ZNF804B: variants seen among roughly 807,000 people sequenced by gnomAD.
ZNF804B encodes the protein zinc finger protein 804B.
A neutral mutation model predicts 101.4 loss-of-function variants in ZNF804B; 80 were observed. The ratio of observed to expected loss-of-function variants is 0.79; its 90% CI spans 0.66 to 0.95. ZNF804B has a LOEUF of 0.95. ZNF804B is among the 40% of genes least tolerant of loss of function. The probability of loss-of-function intolerance (pLI) is 0.00; values close to 1 mark genes in which losing one functional copy is unlikely to be tolerated. For synonymous variants in ZNF804B, 622 were observed against 558.8 expected (o/e 1.11, Z -1.59); for missense variants, 1,673 against 1,561.9 (o/e 1.07, Z -1.20).
intron 1 of ZNF804B, among the ~76,000 whole-genome samples, chr7:88,771,099 C>T (rs1790054509): frequency 6.6e-6 from 1 of 151,952 alleles, no homozygotes; most frequent in South Asian, 2.1e-4. Flanking sequence ...CAGATGTTTC[C>T]CTGTCATACC....
intron 1 of ZNF804B, among the ~76,000 whole-genome samples, chr7:88,873,776 T>G (rs982418777): frequency 1.1e-4 from 16 of 152,206 alleles, no homozygotes; most frequent in African/African-American, 3.9e-4. Context: ...GATCAGATAG[T>G]CATAGATATG....
chr7:89,337,394 C>T lies in ZNF804B; in HGVS notation c.*362C>T, dbSNP rs1791116083. ...CAAATGAAATATGGCACCCTGCGTT[C>T]TAAGTATTTGTTGTGTGAATGAATG... On this transcript the variant is annotated 3_prime_UTR_variant, in exon 4 of 4. Coordinates refer to ENST00000333190, the MANE Select transcript of ZNF804B (RefSeq NM_181646.5). Among the ~76,000 whole-genome samples the T allele has an allele frequency of 6.6e-6, 1 of 152,020 alleles. No homozygotes were observed. Among genetic ancestry groups the T allele is most frequent in the African/African-American group, 2.4e-5 (1 of 41,434 alleles).
chr7:89,189,384 A>C (rs1032225681), intron 1 of ZNF804B, among the ~76,000 whole-genome samples: 3 of 152,164 alleles, frequency 2.0e-5, no homozygotes, highest in Admixed American at 1.3e-4. Context: ...AAGGCACAAA[A>C]TATAATTTTA....
intron 1 of ZNF804B, among the ~76,000 whole-genome samples, chr7:88,832,268 G>A (rs1791144969): frequency 2.0e-5 from 3 of 151,734 alleles, no homozygotes; most frequent in Admixed American, 6.6e-5. Context: ...ATTTCAGTCA[G>A]CACATTACTA....
chr7:89,009,684 C>G (rs1425604291), intron 1 of ZNF804B, among the ~76,000 whole-genome samples: 9 of 152,192 alleles, frequency 5.9e-5, no homozygotes, highest in African/African-American at 2.2e-4. Context: ...ATCTCTTCCA[C>G]CATGTGAGGA....
intron 1 of ZNF804B, among the ~76,000 whole-genome samples, chr7:88,808,549 A>G (rs1336242253): frequency 6.6e-6 from 1 of 152,140 alleles, no homozygotes; most frequent in Non-Finnish European, 1.5e-5. Flanking sequence ...TGAACAGTGT[A>G]CTGGGATTTA....
intron 2 of ZNF804B, among the ~76,000 whole-genome samples, chr7:89,297,469 A>G (rs1232164346): frequency 2.0e-5 from 3 of 152,090 alleles, no homozygotes; most frequent in Non-Finnish European, 4.4e-5. Flanking sequence ...CTGGAGACAA[A>G]TGTACATAGT....
chr7:88,908,319 G>T (rs141832024), intron 1 of ZNF804B, among the ~76,000 whole-genome samples: 1 of 150,982 alleles, frequency 6.6e-6, no homozygotes, highest in Non-Finnish European at 1.5e-5. Context: ...TTTTCTACTT[G>T]TTTGATCCTG....
chr7:89,175,171 G>C (rs1311883912), intron 1 of ZNF804B, among the ~76,000 whole-genome samples: 1 of 151,642 alleles, frequency 6.6e-6, no homozygotes, highest in Non-Finnish European at 1.5e-5. Context: ...GACCTGGAGA[G>C]TTTCCCCAAA....
chr7:88,764,954 A>G (rs780478298), intron 1 of ZNF804B, among the ~76,000 whole-genome samples: 1 of 152,132 alleles, frequency 6.6e-6, no homozygotes, highest in Non-Finnish European at 1.5e-5. Context: ...TTTTATGTCA[A>G]GTATCATATA....
At chr7:89,104,994 G>A (rs773233983) in intron 1 of ZNF804B, among the ~76,000 whole-genome samples, 17 of 152,140 alleles carry the variant, frequency 1.1e-4, no homozygotes, top group Non-Finnish European at 2.2e-4. Flanking sequence ...ACCCATTTTA[G>A]TAAAGGTTTC....
intron 1 of ZNF804B, among the ~76,000 whole-genome samples, chr7:89,178,662 C>A (rs1788243377): frequency 6.6e-6 from 1 of 152,098 alleles, no homozygotes; most frequent in Non-Finnish European, 1.5e-5. Flanking sequence ...TTGATCATTT[C>A]ATCTTTAAGT....
chr7:89,261,218 G>A lies in ZNF804B; in HGVS notation c.249+42923G>A, dbSNP rs574737680. On this transcript the variant is annotated intron_variant, in intron 2 of 3. Transcript: ENST00000333190. ...TTGCATTTCTCTGAACTGTAATAGA[G>A]CCATGAATAATCCATTTGTATGTAT... Among the ~76,000 whole-genome samples, 16 of 152,154 alleles carry A rather than the reference G, an allele frequency of 1.1e-4. 1 individual carries two copies. Among genetic ancestry groups the A allele is most frequent in the South Asian group, 2.1e-4 (1 of 4,808 alleles).
intron 1 of ZNF804B, among the ~76,000 whole-genome samples, chr7:89,017,353 G>A (rs1788584951): frequency 1.3e-5 from 2 of 152,056 alleles, no homozygotes; most frequent in African/African-American, 2.4e-5. Context: ...TACTGCCCTG[G>A]CCAGAACTTC....
intron 1 of ZNF804B, among the ~76,000 whole-genome samples, chr7:88,840,445 A>C (rs1265922929): frequency 6.6e-6 from 1 of 152,158 alleles, no homozygotes; most frequent in Admixed American, 6.6e-5. Context: ...TTGTCTGTAA[A>C]ATAAGAATGC....
chr7:88,778,720 A>C (rs756122594), intron 1 of ZNF804B, among the ~76,000 whole-genome samples: 1 of 152,046 alleles, frequency 6.6e-6, no homozygotes, highest in Non-Finnish European at 1.5e-5. Flanking sequence ...CCTACCCTGC[A>C]CTTCTCTTAC....
In ZNF804B at chr7:88,793,712, G is replaced by A. The variant is rs150752060; in HGVS notation, c.108+33628G>A. Among the ~76,000 whole-genome samples, 194 of 151,784 alleles carry A rather than the reference G, an allele frequency of 1.3e-3. 2 individuals carry two copies. The highest frequency in any genetic ancestry group is 4.5e-3 in the African/African-American group (187 of 41,378). ...ATTATATTACATTATATGTCATATC[G>A]TAACTACTTCTACATGTACTTGCCT... On this transcript the variant is annotated intron_variant, in intron 1 of 3. Coordinates refer to ENST00000333190, the MANE Select transcript of ZNF804B (RefSeq NM_181646.5).
chr7:88,874,607 T>C (rs1487142864), intron 1 of ZNF804B, among the ~76,000 whole-genome samples: 1 of 151,978 alleles, frequency 6.6e-6, no homozygotes, highest in Non-Finnish European at 1.5e-5. Flanking sequence ...GGCTGTGGGT[T>C]TGTCATAGAT....
intron 1 of ZNF804B, among the ~76,000 whole-genome samples, chr7:88,808,992 G>C (rs1790733810): frequency 1.3e-5 from 2 of 152,148 alleles, no homozygotes; most frequent in African/African-American, 4.8e-5. Flanking sequence ...TGTTTGTAGT[G>C]ATATCATTTC....
Sources: gnomAD v4.1 joint callset for allele counts (sites outside exome capture counted in the v4.1 genomes callset) on GRCh38, gnomAD v4.1.1 for gene constraint, MANE v1.5 for transcripts, NCBI Gene and HGNC (gene_info 2026-07-23, HGNC 2026-07-21) for gene names.